GARS1: variants seen among roughly 807,000 people sequenced by gnomAD.
GARS1 encodes glycyl-tRNA synthetase 1.
Under a neutral mutation model 86.4 loss-of-function variants are expected in GARS1, and 46 were observed. The observed-to-expected ratio is 0.53, with a 90% confidence interval of 0.42 to 0.68. The LOEUF is 0.68. Ranked by LOEUF, GARS1 falls within the 30% of genes least tolerant of loss-of-function variation. GARS1 has a pLI of 0.00. For synonymous variants in GARS1, 342 were observed against 329.8 expected (o/e 1.04, Z -0.40); for missense variants, 797 against 915.6 (o/e 0.87, Z 1.67).
Position 30,633,982 on chromosome 7 carries a change from G to A in GARS1, c.*122G>A, listed in dbSNP as rs895938074. 2.6e-5 allele frequency: 31 copies of A among 1,200,428 alleles called. No individual in the cohort carries two copies. The African/African-American group carries it at 3.2e-4, about 13-fold the overall frequency. The allele number at this position is 1,200,428 out of a possible 1,614,324, so 74.4% of individuals were successfully genotyped here. A position where few individuals can be genotyped will look rare whatever the true frequency, so the allele number is the denominator to read the frequency against. On this transcript the variant is annotated 3_prime_UTR_variant, in exon 17 of 17. Transcript: ENST00000389266. ...TCCCAGGGACCGTATTTTATCTTCA[G>A]TGGCTGCCTGATTTTACCCCCACAA...
intron 10 of GARS1, among the ~76,000 whole-genome samples, chr7:30,620,388 C>T (rs1041386860): frequency 6.6e-6 from 1 of 152,096 alleles, no homozygotes; most frequent in African/African-American, 2.4e-5. Context: ...TCGCATACTG[C>T]CAACTTCTTG....
At chr7:30,597,551 A>G (rs1180166403) in intron 1 of GARS1, among the ~76,000 whole-genome samples, 1 of 152,218 alleles carries the variant, frequency 6.6e-6, no homozygotes, top group East Asian at 1.9e-4. Flanking sequence ...TTCACAGATT[A>G]AGGTTACCAA....
intron 2 of GARS1, among the ~76,000 whole-genome samples, chr7:30,599,519 C>T (rs1343557910): frequency 6.6e-6 from 1 of 152,138 alleles, no homozygotes; most frequent in Non-Finnish European, 1.5e-5. Flanking sequence ...TCTCCTGCCT[C>T]AGCCTCCCAA....
intron 7 of GARS1, among the ~76,000 whole-genome samples, 198 bp from the exon 8 acceptor site, chr7:30,611,894 ATTAC>A (rs1782766119): frequency 6.6e-6 from 1 of 152,232 alleles, no homozygotes; most frequent in African/African-American, 2.4e-5. Context: ...TGCCACACTA[ATTAC>A]TTAATACATT....
intron 10 of GARS1, among the ~76,000 whole-genome samples, chr7:30,618,219 T>G (rs777060831): frequency 7.2e-5 from 11 of 152,208 alleles, no homozygotes; most frequent in Non-Finnish European, 1.6e-4. Flanking sequence ...GTTTTATGTC[T>G]CTTCTCTGTA....
At chr7:30,631,846 A>G (rs147767677) in intron 15 of GARS1, 2 of 386,594 alleles carry the variant, frequency 5.2e-6, no homozygotes, top group Non-Finnish European at 9.8e-6. Flanking sequence ...TGTAGCAACC[A>G]TAATGGATCT....
intron 10 of GARS1, among the ~76,000 whole-genome samples, chr7:30,621,054 CTTTT>C (rs749336250): frequency 1.6e-5 from 2 of 128,736 alleles, no homozygotes; most frequent in Admixed American, 7.8e-5. Context: ...TTTTTTCTTT[CTTTT>C]TTTTTTTTTT....
At chr7:30,616,537 C>T (rs551099644) in intron 9 of GARS1, among the ~76,000 whole-genome samples, 30 of 152,310 alleles carry the variant, frequency 2.0e-4, no homozygotes, top group Non-Finnish European at 3.8e-4. Flanking sequence ...GAATGAGTTG[C>T]CTCAGGGAGC....
Position 30,626,286 on chromosome 7 carries a change from A to G in GARS1, c.1666A>G (p.Ile556Val), listed in dbSNP as rs2128135608. 1.9e-6 allele frequency: 3 copies of G among 1,605,142 alleles called. No individual in the cohort carries two copies. The highest frequency in any genetic ancestry group is 2.6e-6 in the Non-Finnish European group (3 of 1,171,878). The change falls in exon 13 of 17, where the codon ATC (isoleucine) becomes GTC (valine). Residue 556 changes from isoleucine (I) to valine (V), a missense_variant. This residue lies in a region of GARS1 where 598 missense variants were observed against 738.7 expected (regional missense o/e 0.81). Transcript: ENST00000389266. ...GKTFQLTKDM[I>V]NVKRFQKTLY... is the part of the protein sequence containing the mutation. ...AACATTTCAGTTAACAAAAGACATG[A>G]TCAATGTGAAGAGATTCCAGAAAAC...
intron 1 of GARS1, among the ~76,000 whole-genome samples, chr7:30,598,377 CTTTTTTTTTTTTT>C (rs1174085518): frequency 1.0e-5 from 1 of 99,612 alleles, no homozygotes; most frequent in Admixed American, 1.2e-4. Flanking sequence ...TTGCATCATT[CTTTTTTTTTTTTT>C]TTTTTTTTTT....
chr7:30,608,926 C>G (rs1476709638), intron 6 of GARS1, among the ~76,000 whole-genome samples: 1 of 152,136 alleles, frequency 6.6e-6, no homozygotes, highest in Non-Finnish European at 1.5e-5. Context: ...TGTTAGGAAA[C>G]TTTTAAGTTT....
chr7:30,604,115 A>G (rs2128133094), intron 6 of GARS1, among the ~76,000 whole-genome samples: 1 of 152,314 alleles, frequency 6.6e-6, no homozygotes, highest in East Asian at 1.9e-4. Flanking sequence ...CCACAGAGAT[A>G]ATTTATTCTG....
chr7:30,631,984 T>G (rs1783243260), intron 15 of GARS1: 2 of 474,054 alleles, frequency 4.2e-6, no homozygotes, highest in Non-Finnish European at 7.7e-6. Context: ...GGTGGTGGAG[T>G]CAGGACTCAC....
rs1256053017 is a variant in GARS1, at chr7:30,632,338, C to T, written c.1995C>T (p.Gly665=). The change falls in exon 16 of 17, where the codon GGC becomes GGT. Residue 665 remains glycine (G), a synonymous_variant. Coordinates refer to ENST00000389266, the MANE Select transcript of GARS1 (RefSeq NM_002047.4). This position sits in a 1 kb window ranked among gnomAD's most constrained non-coding sequence, Gnocchi z 4.1. ...GRRYARTDEI[G]VAFGVTIDFD... ...GCTATGCCAGGACTGATGAGATTGG[C>T]GTGGCTTTTGGTGTCACCATTGACT... 8.7e-6 allele frequency: 14 copies of T among 1,614,040 alleles called. No individual in the cohort carries two copies. Among genetic ancestry groups the T allele is most frequent in the Middle Eastern group, 1.6e-4 (1 of 6,084 alleles).
At chr7:30,611,381 T>C (rs1400944132) in intron 7 of GARS1, among the ~76,000 whole-genome samples, 1 of 152,210 alleles carries the variant, frequency 6.6e-6, no homozygotes, top group Non-Finnish European at 1.5e-5. Context: ...AACATAGGCA[T>C]GGGTATTATT....
At chr7:30,629,333 C>G (rs1053917446) in intron 14 of GARS1, among the ~76,000 whole-genome samples, 7 of 152,156 alleles carry the variant, frequency 4.6e-5, no homozygotes, top group African/African-American at 1.7e-4. Flanking sequence ...CATCAGCTCC[C>G]ACAAATTTTC....
chr7:30,633,744 C>T lies in GARS1; in HGVS notation c.2104C>T (p.Leu702=). 5 of 1,614,010 alleles carry T rather than the reference C, an allele frequency of 3.1e-6. No individual in the cohort carries two copies. Among genetic ancestry groups the T allele is most frequent in the South Asian group, 1.1e-5 (1 of 91,074 alleles). ...CTTTCCTTGTCTCTAGATCTCTGAG[C>T]TGCCCAGCATAGTCCAAGACCTAGC... The part of the protein sequence containing the change: ...MRQIRAEISE[L]PSIVQDLANG... Residue 702 remains leucine, a synonymous_variant, in exon 17 of 17, where the codon CTG becomes TTG. Coordinates refer to ENST00000389266, the MANE Select transcript of GARS1 (RefSeq NM_002047.4).
chr7:30,631,606 G>A (rs920135922), intron 15 of GARS1, 65 bp downstream of exon 15: 23 of 1,010,880 alleles, frequency 2.3e-5, no homozygotes, highest in Non-Finnish European at 3.3e-5. Context: ...TTTAGGAAAT[G>A]TATCATTTAT....
Position 30,594,892 on chromosome 7 carries a change from C to T in GARS1, c.-30C>T. 2 of 1,525,356 alleles carry T rather than the reference C, an allele frequency of 1.3e-6. No homozygotes were observed. Among genetic ancestry groups the T allele is most frequent in the Non-Finnish European group, 1.8e-6 (2 of 1,137,224 alleles). The allele number at this position is 1,525,356 out of a possible 1,614,324, so 94.5% of individuals were successfully genotyped here. On this transcript the variant is annotated 5_prime_UTR_variant, in exon 1 of 17. Coordinates refer to ENST00000389266, the MANE Select transcript of GARS1 (RefSeq NM_002047.4). ...CGGCGCGCGCCGCTTCCGTCGCCAC[C>T]CTCTCTGGACAGCCCAGGGCCGCAG...
Sources: gnomAD v4.1 joint callset for allele counts (sites outside exome capture counted in the v4.1 genomes callset) on GRCh38, gnomAD v4.1.1 for gene constraint, gnomAD v4.1.1 regional missense constraint, Gnocchi (gnomAD v3.1) non-coding constraint, MANE v1.5 for transcripts, NCBI Gene and HGNC (gene_info 2026-07-23, HGNC 2026-07-21) for gene names.